LNX1: variants seen among roughly 807,000 people sequenced by gnomAD.
LNX1 encodes ligand of numb-protein X 1, also known as E3 ubiquitin-protein ligase LNX.
Under a neutral mutation model 68.4 loss-of-function variants are expected in LNX1, and 54 were observed. The observed-to-expected ratio is 0.79, with a 90% CI of 0.63 to 0.99. LNX1 has a LOEUF of 0.99. LNX1 is among the 50% of genes least tolerant of loss of function. LNX1 has a pLI of 0.00. For missense variants in LNX1, 906 were observed against 926.4 expected (o/e 0.98, Z 0.29); for synonymous variants, 336 against 350.0 (o/e 0.96, Z 0.45).
intron 1 of LNX1, among the ~76,000 whole-genome samples, chr4:53,588,431 G>A (rs1211837510): frequency 6.6e-6 from 1 of 152,146 alleles, no homozygotes; most frequent in Non-Finnish European, 1.5e-5. Context: ...ATCTGTCCCA[G>A]GTCACACAGG....
intron 1 of LNX1, among the ~76,000 whole-genome samples, chr4:53,637,908 C>G (rs539188330): frequency 9.2e-5 from 14 of 152,316 alleles, no homozygotes; most frequent in Admixed American, 2.6e-4. Flanking sequence ...TCCACCCAAC[C>G]AGACCTAGTG....
chr4:53,482,800 C>T (rs1724033491), intron 6 of LNX1, among the ~76,000 whole-genome samples: 1 of 152,110 alleles, frequency 6.6e-6, no homozygotes, highest in Non-Finnish European at 1.5e-5. Context: ...ACTTCACCAC[C>T]ATACAATGCA....
chr4:53,597,518 C>T (rs1337125757), intron 2 of LNX1, among the ~76,000 whole-genome samples: 3 of 152,200 alleles, frequency 2.0e-5, no homozygotes, highest in African/African-American at 7.2e-5. Context: ...CCTTCATTCT[C>T]TCTGTCCCTG....
At chr4:53,564,984 G>C (rs1168101424) in intron 2 of LNX1, among the ~76,000 whole-genome samples, 1 of 152,184 alleles carries the variant, frequency 6.6e-6, no homozygotes, top group Admixed American at 6.5e-5. Flanking sequence ...CCCCCACCTG[G>C]CTCGGAGGGT....
At chr4:53,621,252 A>G (rs891182454), upstream of LNX1, among the ~76,000 whole-genome samples, 4 of 152,144 alleles carry the variant, frequency 2.6e-5, no homozygotes, top group Admixed American at 2.6e-4. Flanking sequence ...GCAGTTCTCT[A>G]AGTCAAATTA....
chr4:53,600,448 C>T (rs112562784), intron 2 of LNX1, among the ~76,000 whole-genome samples: 1 of 152,126 alleles, frequency 6.6e-6, no homozygotes, highest in Non-Finnish European at 1.5e-5. Flanking sequence ...GGAACTTTTG[C>T]TTCCAAGAAA....
At chr4:53,590,946 C>G (rs1450016307) in intron 1 of LNX1, among the ~76,000 whole-genome samples, 2 of 152,174 alleles carry the variant, frequency 1.3e-5, no homozygotes. Flanking sequence ...GGACACTTCA[C>G]AGGTTTAGAT....
At chr4:53,572,069 G>A (rs1178676755) in intron 2 of LNX1, among the ~76,000 whole-genome samples, 2 of 152,134 alleles carry the variant, frequency 1.3e-5, no homozygotes, top group Non-Finnish European at 2.9e-5. Flanking sequence ...CTGTGGTGAG[G>A]GTAGAGGAGC....
chr4:53,601,666 G>A (rs1240481912), intron 2 of LNX1, among the ~76,000 whole-genome samples: 2 of 152,168 alleles, frequency 1.3e-5, no homozygotes, highest in African/African-American at 4.8e-5. Flanking sequence ...GCTGTGCTAG[G>A]TATGTCCCCT....
At chr4:53,504,730 G>T (rs887571305) in intron 4 of LNX1, among the ~76,000 whole-genome samples, 38 of 152,112 alleles carry the variant, frequency 2.5e-4, no homozygotes, top group Non-Finnish European at 5.1e-4. Context: ...ATACTCAAAG[G>T]CTATTGTAGG....
At chr4:53,468,703 A>C (rs1475597709) in intron 9 of LNX1, among the ~76,000 whole-genome samples, 1 of 152,218 alleles carries the variant, frequency 6.6e-6, no homozygotes, top group Non-Finnish European at 1.5e-5. Context: ...GTCTCTGATA[A>C]AACAGACTTT....
intron 1 of LNX1, among the ~76,000 whole-genome samples, chr4:53,623,816 G>A (rs1463498422): frequency 2.0e-5 from 3 of 152,042 alleles, no homozygotes; most frequent in South Asian, 2.1e-4. Context: ...TTGAAGCCTA[G>A]AACAATTAAA....
At chr4:53,557,442 T>C (rs989461643) in intron 2 of LNX1, among the ~76,000 whole-genome samples, 4 of 152,140 alleles carry the variant, frequency 2.6e-5, no homozygotes, top group Non-Finnish European at 4.4e-5. Flanking sequence ...TTACTGATAC[T>C]ATACCTGTTT....
intron 2 of LNX1, among the ~76,000 whole-genome samples, chr4:53,609,005 A>T (rs973140518): frequency 1.3e-5 from 2 of 152,154 alleles, no homozygotes; most frequent in African/African-American, 4.8e-5. Flanking sequence ...CCCAACTTCA[A>T]ACCATACTAC....
At position 53,460,053 on chromosome 4, in the gene LNX1, A is replaced by ATAAAT. The variant is rs907956551; in HGVS notation, c.*849_*853dup. 3.0e-5 allele frequency: 3 copies of ATAAAT among 101,066 alleles called. No individual in the cohort carries two copies. Among genetic ancestry groups the ATAAAT allele is most frequent in the African/African-American group, 1.6e-4 (3 of 19,168 alleles). 6.3% of individuals were successfully genotyped at this position (101,066 alleles called of 1,614,324 possible). A position where few individuals can be genotyped will look rare whatever the true frequency, so the allele number is the denominator to read the frequency against. On this transcript the variant is annotated 3_prime_UTR_variant, in exon 11 of 11. Transcript: ENST00000263925. ...AAGGCATCTGGGTGGCCTCTATGAA[A>ATAAAT]TAAATTAATTAATTACCCATAGTGT...
Position 53,586,915 on chromosome 4 carries a change from C to T in LNX1, c.-87+4473G>A, listed in dbSNP as rs144125909. Reference sequence around the variant, plus strand: ...GTTTTTTCATTTAATCTAAAATAATCCTATGAGATCATTAAGGTAATCTTC... The same window carrying T: ...GTTTTTTCATTTAATCTAAAATAATTCTATGAGATCATTAAGGTAATCTTC... On this transcript the variant is annotated intron_variant, in intron 1 of 10. Coordinates refer to ENST00000263925, the MANE Select transcript of LNX1 (RefSeq NM_001126328.3). Among the ~76,000 whole-genome samples, 593 of 152,236 alleles carry T rather than the reference C, an allele frequency of 3.9e-3. 2 individuals carry two copies. Among genetic ancestry groups the T allele is most frequent in the African/African-American group, 0.011 (463 of 41,534 alleles).
At chr4:53,515,528 A>AC (rs1726707352) in intron 2 of LNX1, among the ~76,000 whole-genome samples, 1 of 151,952 alleles carries the variant, frequency 6.6e-6, no homozygotes, top group Non-Finnish European at 1.5e-5. Context: ...ACCAAAAAAA[A>AC]AATGACAAGA....
Position 53,605,413 on chromosome 4 carries a change from A to G in LNX1, c.-215+11104T>C, listed in dbSNP as rs150286885. The stretch of plus-strand genomic sequence containing the variant: ...GTATGCATCATCTTACATGGTAACT[A>G]CCTTGTGTATGCGTGTATGGGGGTG... On this transcript the variant is annotated intron_variant, in intron 2 of 3. Transcript: ENST00000504299. Among the ~76,000 whole-genome samples, 527 of 151,910 alleles carry G rather than the reference A, an allele frequency of 3.5e-3. 3 individuals carry two copies. Among genetic ancestry groups the G allele is most frequent in the African/African-American group, 0.012 (513 of 41,436 alleles).
chr4:53,506,652 C>T (rs1426395472), intron 4 of LNX1, among the ~76,000 whole-genome samples: 1 of 151,588 alleles, frequency 6.6e-6, no homozygotes, highest in Non-Finnish European at 1.5e-5. Flanking sequence ...TTCAGGAGTT[C>T]GAGACTAGCA....
Sources: allele counts gnomAD v4.1 joint callset (sites outside exome capture counted in the v4.1 genomes callset), GRCh38; gene constraint gnomAD v4.1.1; transcripts MANE v1.5; gene names NCBI Gene and HGNC (gene_info 2026-07-23, HGNC 2026-07-21).